The following SPMIP6 variants were observed in gnomAD, a reference collection of about 807,000 sequenced individuals.
SPMIP6 encodes the protein sperm microtubule inner protein 6, also known as ciliated bronchial epithelial protein 1.
the SPMIP6 span, among the ~76,000 whole-genome samples, chr9:34,387,621 A>G: frequency 1.3e-5 from 2 of 152,110 alleles, no homozygotes; most frequent in Non-Finnish European, 2.9e-5. Context: ...ACACAGATAC[A>G]CACACACACA....
chr9:34,387,118 C>T, the SPMIP6 span, among the ~76,000 whole-genome samples: 1 of 151,798 alleles, frequency 6.6e-6, no homozygotes, highest in South Asian at 2.1e-4. Context: ...GCCCTAACCT[C>T]CCAGGCTCAA....
chr9:34,383,664 G>A, the SPMIP6 span, among the ~76,000 whole-genome samples: 1 of 152,190 alleles, frequency 6.6e-6, no homozygotes, highest in Non-Finnish European at 1.5e-5. Flanking sequence ...GACTGCTTGT[G>A]TTTAAATTTC....
At chr9:34,397,632 A>C in the SPMIP6 span, 2 of 1,601,092 alleles carry the variant, frequency 1.2e-6, no homozygotes, top group Non-Finnish European at 1.7e-6. Context: ...GAACAGGAAC[A>C]TGGTGTGGTC....
chr9:34,380,524 G>A, the SPMIP6 span, among the ~76,000 whole-genome samples: 1 of 152,192 alleles, frequency 6.6e-6, no homozygotes, highest in Non-Finnish European at 1.5e-5. Context: ...TCTAGGGCCA[G>A]GAGTCCAGGA....
chr9:34,397,480 C>G, the SPMIP6 span: 31 of 1,613,894 alleles, frequency 1.9e-5, no homozygotes, highest in Non-Finnish European at 2.5e-5. Flanking sequence ...CTGCCCCTCC[C>G]CACCAATCTC....
At chr9:34,388,786 A>G in the SPMIP6 span, among the ~76,000 whole-genome samples, 1 of 152,158 alleles carries the variant, frequency 6.6e-6, no homozygotes. Context: ...CATGTGTTCA[A>G]TTTTAACCAA....
chr9:34,381,229 A>T, the SPMIP6 span: 1 of 1,566,386 alleles, frequency 6.4e-7, no homozygotes, highest in Non-Finnish European at 8.7e-7. The surrounding 1 kb of genome is among the most constrained non-coding windows in gnomAD (Gnocchi z 4.4). Context: ...GACAAAAGCC[A>T]GGACGGATAG....
the SPMIP6 span, among the ~76,000 whole-genome samples, chr9:34,393,186 C>T: frequency 2.1e-4 from 32 of 152,284 alleles, no homozygotes; most frequent in African/African-American, 7.7e-4. Context: ...TCTAGGAACA[C>T]CTAACTCTGT....
chr9:34,392,787 C>T, the SPMIP6 span, among the ~76,000 whole-genome samples: 3 of 152,202 alleles, frequency 2.0e-5, no homozygotes, highest in Non-Finnish European at 4.4e-5. The surrounding 1 kb of genome is among the most constrained non-coding windows in gnomAD (Gnocchi z 4.6). Context: ...ATCTGTCTCA[C>T]TGCCTACAAC....
chr9:34,379,520 C>CCACAGGCTAGAACCTGCGTCTCTA, the SPMIP6 span: 1 of 845,750 alleles, frequency 1.2e-6, no homozygotes. The surrounding 1 kb of genome is among the most constrained non-coding windows in gnomAD (Gnocchi z 4.2). Context: ...AGCTCCCCCT[C>CCACAGGCTAGAACCTGCGTCTCTA]GTGGTATGTG....
chr9:34,381,564 TC>T, the SPMIP6 span: 1 of 1,522,230 alleles, frequency 6.6e-7, no homozygotes, highest in Non-Finnish European at 8.8e-7. The surrounding 1 kb of genome is among the most constrained non-coding windows in gnomAD (Gnocchi z 4.4). Flanking sequence ...CTTCAGCAGC[TC>T]CCCACCTCTC....
At chr9:34,381,611 C>T in the SPMIP6 span, 3 of 1,440,668 alleles carry the variant, frequency 2.1e-6, no homozygotes, top group Non-Finnish European at 2.7e-6. This position sits in a 1 kb window ranked among gnomAD's most constrained non-coding sequence, Gnocchi z 4.4. Flanking sequence ...CCGGGCAACG[C>T]TTTTACATCG....
chr9:34,395,785 C>T, the SPMIP6 span, among the ~76,000 whole-genome samples: 1 of 152,204 alleles, frequency 6.6e-6, no homozygotes, highest in Admixed American at 6.5e-5. Flanking sequence ...CCAGCTGCCA[C>T]AGCCAAAAAC....
the SPMIP6 span, chr9:34,385,535 C>CAAAAAAAAA: frequency 3.7e-5 from 11 of 296,982 alleles, no homozygotes; most frequent in African/African-American, 1.7e-4. Context: ...AACTCCGTCT[C>CAAAAAAAAA]AAAAAAAAAA....
At chr9:34,380,812 G>T in the SPMIP6 span, 1 of 1,524,642 alleles carries the variant, frequency 6.6e-7, no homozygotes. Context: ...CTGCACGGAA[G>T]CTGGCCGGGC....
chr9:34,383,603 A>G, the SPMIP6 span, among the ~76,000 whole-genome samples: 1 of 152,178 alleles, frequency 6.6e-6, no homozygotes, highest in African/African-American at 2.4e-5. Flanking sequence ...CAGCACCTTA[A>G]CCAGAAGACA....
the SPMIP6 span, among the ~76,000 whole-genome samples, chr9:34,388,258 A>G: frequency 1.3e-5 from 2 of 150,358 alleles, no homozygotes; most frequent in African/African-American, 4.9e-5. Context: ...CTCCTGCCTC[A>G]GCCTCCCAAG....
At chr9:34,385,901 C>A in the SPMIP6 span, 1 of 917,434 alleles carries the variant, frequency 1.1e-6, no homozygotes, top group Non-Finnish European at 1.7e-6. Context: ...CCCAACCCCC[C>A]TCCCCATGTC....
At chr9:34,384,468 C>T in the SPMIP6 span, among the ~76,000 whole-genome samples, 1 of 152,130 alleles carries the variant, frequency 6.6e-6, no homozygotes, top group Non-Finnish European at 1.5e-5. Flanking sequence ...ACATACAAAA[C>T]AACATCAACA....
Sources: gnomAD v4.1 joint callset for allele counts (sites outside exome capture counted in the v4.1 genomes callset) on GRCh38, gnomAD v4.1.1 for gene constraint, Gnocchi (gnomAD v3.1) non-coding constraint, MANE v1.5 for transcripts, NCBI Gene and HGNC (gene_info 2026-07-23, HGNC 2026-07-21) for gene names.